POLR2G: variants seen among roughly 807,000 people sequenced by gnomAD.
POLR2G encodes the protein DNA-directed RNA polymerase II subunit RPB7.
Under a neutral mutation model 25.7 loss-of-function variants are expected in POLR2G, and 19 were observed. The ratio of observed to expected loss-of-function variants is 0.74; its 90% CI spans 0.52 to 1.08. The LOEUF (loss-of-function observed/expected upper bound fraction) is 1.08, where lower values mean the gene tolerates loss of function less well. Among genes scored for constraint, POLR2G ranks in the 50% least tolerant of loss-of-function variants. The pLI is 0.00. For missense variants in POLR2G, 123 were observed against 218.5 expected (o/e 0.56, Z 2.76); for synonymous variants, 79 against 76.0 (o/e 1.04, Z -0.21).
At chr11:62,764,187 G>A (rs914198438) in intron 3 of POLR2G, among the ~76,000 whole-genome samples, 4 of 152,078 alleles carry the variant, frequency 2.6e-5, no homozygotes, top group South Asian at 2.1e-4. Flanking sequence ...TAGGCTGGGC[G>A]CGGTGACTCA....
intron 4 of POLR2G, 23 bp from the exon 5 acceptor site, chr11:62,765,317 C>T (rs567749649): frequency 8.7e-6 from 14 of 1,610,828 alleles, no homozygotes; most frequent in African/African-American, 5.3e-5. Context: ...AAAGTGCTAA[C>T]CTAGATCTCA....
intron 3 of POLR2G, among the ~76,000 whole-genome samples, chr11:62,763,898 T>G (rs1054023826): frequency 2.0e-4 from 30 of 152,092 alleles, no homozygotes; most frequent in Admixed American, 1.8e-3. Context: ...TGCGCCACCA[T>G]GCCCAGCTAA....
At position 62,761,640 on chromosome 11, in the gene POLR2G, T is replaced by C. The variant is rs200126354; in HGVS notation, c.-9T>C. 1.6e-4 allele frequency: 259 copies of C among 1,610,516 alleles called. No individual in the cohort carries two copies. The African/African-American group carries it at 3.2e-3, about 20-fold the overall frequency. On this transcript the variant is annotated 5_prime_UTR_variant, in exon 1 of 8. Coordinates refer to ENST00000301788, the MANE Select transcript of POLR2G (RefSeq NM_002696.3). ...GTGTGGACTCTGCCTGCCTACCTGG[T>C]CTGGGAAGATGTTCTACCATGTGAG...
intron 2 of POLR2G, chr11:62,762,364 A>G (rs1465981090): frequency 1.2e-5 from 3 of 257,432 alleles, no homozygotes; most frequent in Admixed American, 8.3e-5. Flanking sequence ...AAGCAGATCG[A>G]GAGTTTGGGG....
chr11:62,762,670 A>G, intron 2 of POLR2G, 197 bp from the exon 3 acceptor site: 2 of 646,170 alleles, frequency 3.1e-6, no homozygotes, highest in Non-Finnish European at 5.8e-6. Flanking sequence ...AAATTACCAG[A>G]ACAGCATTTG....
At position 62,766,636 on chromosome 11, in the gene POLR2G, G is replaced by A. The variant is rs2084117197; in HGVS notation, c.*129G>A. 2 of 774,450 alleles carry A rather than the reference G, an allele frequency of 2.6e-6. No individual in the cohort carries two copies. The highest frequency in any genetic ancestry group is 4.6e-5 in the Admixed American group (2 of 43,530). 48.0% of individuals were successfully genotyped at this position (774,450 alleles called of 1,614,324 possible). ...GGCAACTCATCCCAGAAGGCATCTG[G>A]TGCTTCTTGTAGCTTAACTACTGCC... On this transcript the variant is annotated 3_prime_UTR_variant, in exon 8 of 8. Transcript: ENST00000301788.
chr11:62,764,403 G>C (rs2134856833), intron 3 of POLR2G, among the ~76,000 whole-genome samples: 1 of 152,288 alleles, frequency 6.6e-6, no homozygotes, highest in African/African-American at 2.4e-5. Context: ...GGAGGTTGCA[G>C]TGAGCTGAGA....
Position 62,762,990 on chromosome 11 carries a change from G to T in POLR2G, c.246G>T (p.Gly82=). 1 of 1,610,110 alleles carries T rather than the reference G, an allele frequency of 6.2e-7. No homozygotes were observed. Among genetic ancestry groups the T allele is most frequent in the Non-Finnish European group, 8.5e-7 (1 of 1,177,040 alleles). The change falls in exon 3 of 8, where the codon GGG becomes GGT. Residue 82 remains glycine, a synonymous_variant. Coordinates refer to ENST00000301788, the MANE Select transcript of POLR2G (RefSeq NM_002696.3). ...CCATTGTTTTCCGGCCATTTAAAGG[G>T]GAGGTCGTGGATGCTGTTGTCACTC... The part of the protein sequence containing the change: ...YKAIVFRPFK[G]EVVDAVVTQV...
Position 62,761,596 on chromosome 11 carries a change from T to C in POLR2G, c.-53T>C. On this transcript the variant is annotated 5_prime_UTR_variant, in exon 1 of 8. Transcript: ENST00000301788. The stretch of plus-strand genomic sequence containing the variant: ...GCGGCGTCTAAGTGTTTCCGGTGGA[T>C]TCCCAGGGACTGTCGGAGGTGTGGA... 6.4e-7 allele frequency: 1 copy of C among 1,558,886 alleles called. No individual in the cohort carries two copies. The highest frequency in any genetic ancestry group is 8.7e-7 in the Non-Finnish European group (1 of 1,151,486).
In POLR2G at chr11:62,766,679, G is replaced by T. The variant is rs2084117428; in HGVS notation, c.*172G>T. ...CTACTGCCTCCTCATTTTTCAGTAT[G>T]TGTTCTAAGTATAAAAAGTCCTTGG... On this transcript the variant is annotated 3_prime_UTR_variant, in exon 8 of 8. Coordinates refer to ENST00000301788, the MANE Select transcript of POLR2G (RefSeq NM_002696.3). The T allele has an allele frequency of 1.7e-6, 1 of 605,230 alleles. No homozygotes were observed. The highest frequency in any genetic ancestry group is 1.9e-5 in the African/African-American group (1 of 53,562). The allele number at this position is 605,230 out of a possible 1,614,324, so 37.5% of individuals were successfully genotyped here.
chr11:62,762,969 T>C lies in POLR2G; in HGVS notation c.225T>C (p.Ile75=). ...FVLYPVKYKA[I]VFRPFKGEVV... is the part of the protein sequence containing the mutation. ...TTTATCCAGTTAAGTACAAGGCCAT[T>C]GTTTTCCGGCCATTTAAAGGGGAGG... The change falls in exon 3 of 8, where the codon ATT becomes ATC. Residue 75 remains isoleucine (I), a synonymous_variant. Transcript: ENST00000301788. 9 of 1,611,512 alleles carry C rather than the reference T, an allele frequency of 5.6e-6. No individual in the cohort carries two copies. Among genetic ancestry groups the C allele is most frequent in the Non-Finnish European group, 7.6e-6 (9 of 1,177,908 alleles).
chr11:62,766,319 G>A, intron 7 of POLR2G, 43 bp downstream of exon 7: 1 of 1,583,766 alleles, frequency 6.3e-7, no homozygotes, highest in African/African-American at 1.3e-5. Context: ...GCCTGGAGAA[G>A]GGATGTGTGG....
At chr11:62,765,754 A>C in intron 6 of POLR2G, 30 bp downstream of exon 6, 1 of 1,290,036 alleles carries the variant, frequency 7.8e-7, no homozygotes, top group Non-Finnish European at 1.1e-6. Flanking sequence ...CTCTACCTAT[A>C]CCAGGTTGAG....
intron 6 of POLR2G, 32 bp from the exon 7 acceptor site, chr11:62,766,211 G>C (rs776420406): frequency 6.2e-7 from 1 of 1,609,442 alleles, no homozygotes; most frequent in Non-Finnish European, 8.5e-7. Flanking sequence ...GCTCATCTTG[G>C]CTTCACTTTC....
rs1261210275 is a variant in POLR2G, at chr11:62,765,644, T to A, written c.400-9T>A. 1 of 1,593,294 alleles carries A rather than the reference T, an allele frequency of 6.3e-7. No homozygotes were observed. Among genetic ancestry groups the A allele is most frequent in the Admixed American group, 1.7e-5 (1 of 59,954 alleles). On this transcript the variant is annotated splice_polypyrimidine_tract_variant and intron_variant, in intron 5 of 7. Transcript: ENST00000301788. The stretch of plus-strand genomic sequence containing the variant: ...GGAGCATCTGTACACTGTTCCCTCC[T>A]CTCCTCAGGATATTGTGATTCAGCA...
At chr11:62,761,749 AACCTG>A in intron 1 of POLR2G, 41 bp from the exon 2 acceptor site, 1 of 1,607,150 alleles carries the variant, frequency 6.2e-7, no homozygotes, top group South Asian at 1.1e-5. Context: ...GTCGTCCAAT[AACCTG>A]CCAGCGCCTG....
intron 2 of POLR2G, 98 bp downstream of exon 2, chr11:62,762,002 C>A: frequency 1.1e-6 from 1 of 887,028 alleles, no homozygotes; most frequent in Non-Finnish European, 1.8e-6. Flanking sequence ...CTGCCACCCA[C>A]TCTGGGGACC....
At chr11:62,764,452 T>C (rs1310745971) in intron 3 of POLR2G, among the ~76,000 whole-genome samples, 1 of 151,658 alleles carries the variant, frequency 6.6e-6, no homozygotes, top group Non-Finnish European at 1.5e-5. Flanking sequence ...CAGAGTGAGA[T>C]TCTGTCTCAA....
At chr11:62,765,558 G>A in intron 5 of POLR2G, 95 bp from the exon 6 acceptor site, 1 of 1,081,884 alleles carries the variant, frequency 9.2e-7, no homozygotes, top group Non-Finnish European at 1.4e-6. Context: ...AAAGTGATGT[G>A]CATTCAATAT....
Sources: gnomAD v4.1 joint callset for allele counts (sites outside exome capture counted in the v4.1 genomes callset) on GRCh38, gnomAD v4.1.1 for gene constraint, MANE v1.5 for transcripts, NCBI Gene and HGNC (gene_info 2026-07-23, HGNC 2026-07-21) for gene names.